CAMK2B: variants seen among roughly 807,000 people sequenced by gnomAD.
The protein encoded by CAMK2B is calcium/calmodulin dependent protein kinase II beta.
Under a neutral mutation model 93.7 loss-of-function variants are expected in CAMK2B, and 27 were observed. That is an observed-to-expected ratio of 0.29 (90% CI 0.21 to 0.40). The LOEUF (loss-of-function observed/expected upper bound fraction) is 0.40. Among genes scored for constraint, CAMK2B ranks in the 10% least tolerant of loss-of-function variants. The probability of loss-of-function intolerance (pLI) is 1.00; values close to 1 mark genes in which losing one functional copy is unlikely to be tolerated. For missense variants in CAMK2B, 568 were observed against 895.8 expected (o/e 0.63, Z 4.67); for synonymous variants, 374 against 358.8 (o/e 1.04, Z -0.48).
intron 1 of CAMK2B, among the ~76,000 whole-genome samples, chr7:44,300,982 G>A (rs1789833101): frequency 6.6e-6 from 1 of 151,978 alleles, no homozygotes; most frequent in Admixed American, 6.6e-5. Flanking sequence ...AAAGATAGCT[G>A]GAAAAGCCCA....
upstream of CAMK2B, chr7:44,326,001 A>G (rs1797433295): frequency 6.6e-6 from 1 of 151,616 alleles, no homozygotes; most frequent in South Asian, 2.1e-4. Context: ...GAGTGCACAT[A>G]ATGAACGCAG....
chr7:44,283,104 C>A (rs1252386997), intron 2 of CAMK2B, among the ~76,000 whole-genome samples: 2 of 152,252 alleles, frequency 1.3e-5, no homozygotes, highest in African/African-American at 2.4e-5. Flanking sequence ...ACCTCCACAG[C>A]CCCACCTGGC....
rs574032444 is a variant in CAMK2B, at chr7:44,321,696, G to A, written c.65+3661C>T. Reference sequence around the variant, plus strand: ...CCCCTGAAATGAAATCCAAAACCTCGTGGGAGATGCTTTCTTCTAGGGAGA... The same window carrying A: ...CCCCTGAAATGAAATCCAAAACCTCATGGGAGATGCTTTCTTCTAGGGAGA... On this transcript the variant is annotated intron_variant, in intron 1 of 23. Transcript: ENST00000395749. Among the ~76,000 whole-genome samples the A allele has an allele frequency of 9.8e-5, 15 of 152,298 alleles. No individual in the cohort carries two copies. The South Asian group carries it at 2.3e-3, about 23-fold the overall frequency.
intron 1 of CAMK2B, among the ~76,000 whole-genome samples, chr7:44,298,551 C>G (rs932676855): frequency 6.6e-6 from 1 of 152,110 alleles, no homozygotes; most frequent in Non-Finnish European, 1.5e-5. Context: ...TACCAAAATA[C>G]AAAATTTTTG....
chr7:44,259,036 C>T, intron 3 of CAMK2B, 110 bp from the exon 4 acceptor site: 1 of 1,014,182 alleles, frequency 9.9e-7, no homozygotes, highest in Non-Finnish European at 1.5e-6. Context: ...CTAGGGCTGC[C>T]CAGAGGATCG....
Position 44,220,897 on chromosome 7 carries a change from C to T in CAMK2B, c.1602G>A (p.Arg534=). The change falls in exon 21 of 24, where the codon CGG becomes CGA. Residue 534 remains arginine (R), a synonymous_variant. Transcript: ENST00000395749. ...CCGTGGTCTTAATGATCTCCTGCTT[C>T]CGGGCTGTGGGGAGACATGGCCAGG... ...TIPGPLPTPS[R]KQEIIKTTEQ... is the part of the protein sequence containing the mutation. 3 of 1,564,946 alleles carry T rather than the reference C, an allele frequency of 1.9e-6. No homozygotes were observed. The highest frequency in any genetic ancestry group is 2.6e-6 in the Non-Finnish European group (3 of 1,153,746).
rs768150134 is a variant in CAMK2B, at chr7:44,225,745, T to A, written c.1597+771A>T. ...GGGACGGTGGCAAGCAGACCCCACC[T>A]GTCCCTCAAGTACTTACCTAGCCAC... On this transcript the variant is annotated intron_variant, in intron 20 of 23. Transcript: ENST00000395749. The surrounding 1 kb of genome is among the most constrained non-coding windows in gnomAD (Gnocchi z 5.0). 1 of 1,289,362 alleles carries A rather than the reference T, an allele frequency of 7.8e-7. No individual in the cohort carries two copies. Among genetic ancestry groups the A allele is most frequent in the South Asian group, 1.2e-5 (1 of 81,024 alleles). The allele number at this position is 1,289,362 out of a possible 1,614,324, so 79.9% of individuals were successfully genotyped here.
intron 2 of CAMK2B, among the ~76,000 whole-genome samples, chr7:44,270,259 T>TG (rs1305897777): frequency 6.6e-6 from 1 of 152,154 alleles, no homozygotes; most frequent in African/African-American, 2.4e-5. Flanking sequence ...GGGAGGGCAC[T>TG]GGGATGGTGC....
chr7:44,286,950 A>AAGGGACCAGGGGTGC lies in CAMK2B; in HGVS notation c.66-2740_66-2726dup, dbSNP rs958592864. On this transcript the variant is annotated intron_variant, in intron 1 of 23. Coordinates refer to ENST00000395749, the MANE Select transcript of CAMK2B (RefSeq NM_001220.5). The surrounding 1 kb of genome is among the most constrained non-coding windows in gnomAD (Gnocchi z 4.0). ...AGGCACCCAGCAGACACTCAGCAGG[A>AAGGGACCAGGGGTGC]AGGGACCAGGGGTGCAGGGACCAGG... 2.0e-5 allele frequency among the ~76,000 whole-genome samples: 3 copies of AAGGGACCAGGGGTGC among 152,098 alleles called. No homozygotes were observed. The highest frequency in any genetic ancestry group is 4.4e-5 in the Non-Finnish European group (3 of 67,992).
intron 13 of CAMK2B, among the ~76,000 whole-genome samples, chr7:44,235,414 C>G (rs1176813325): frequency 6.6e-6 from 1 of 152,274 alleles, no homozygotes; most frequent in Non-Finnish European, 1.5e-5. Flanking sequence ...AGCATTCCCC[C>G]TCAGAGGTCA....
intron 5 of CAMK2B, among the ~76,000 whole-genome samples, chr7:44,251,634 C>T (rs2096781734): frequency 6.6e-6 from 1 of 152,182 alleles, no homozygotes; most frequent in Non-Finnish European, 1.5e-5. Flanking sequence ...TGTGCCCCCT[C>T]GCTCCCCACA....
At chr7:44,269,083 T>C (rs769260934) in intron 2 of CAMK2B, among the ~76,000 whole-genome samples, 3 of 152,002 alleles carry the variant, frequency 2.0e-5, no homozygotes, top group Non-Finnish European at 2.9e-5. Context: ...CTGAGGGCGA[T>C]GGAAGAGATG....
Position 44,220,143 on chromosome 7 carries a change from G to A in CAMK2B, c.1920C>T (p.Thr640=). Residue 640 remains threonine (T), a synonymous_variant, in exon 23 of 24, where the codon ACC becomes ACT. Transcript: ENST00000395749. ...GRPRTSQSEE[T]RVWHRRDGKW... Reference sequence around the variant, plus strand: ...TGCCGTCGCGGCGGTGCCACACGCGGGTCTCCTCAGACTGGCTGGTGCGGG... The same window carrying A: ...TGCCGTCGCGGCGGTGCCACACGCGAGTCTCCTCAGACTGGCTGGTGCGGG... 1 of 1,612,574 alleles carries A rather than the reference G, an allele frequency of 6.2e-7. No homozygotes were observed. Among genetic ancestry groups the A allele is most frequent in the Non-Finnish European group, 8.5e-7 (1 of 1,179,912 alleles).
intron 20 of CAMK2B, 52 bp from the exon 21 acceptor site, chr7:44,220,953 G>C (rs1442938941): frequency 1.3e-6 from 2 of 1,487,726 alleles, no homozygotes; most frequent in South Asian, 1.2e-5. Flanking sequence ...ATTCCCCCCG[G>C]ACCCCTCCAC....
At position 44,220,695 on chromosome 7, in the gene CAMK2B, T is replaced by C. The variant is rs752298235; in HGVS notation, c.1689A>G (p.Pro563=). 2 of 1,612,394 alleles carry C rather than the reference T, an allele frequency of 1.2e-6. No homozygotes were observed. Among genetic ancestry groups the C allele is most frequent in the African/African-American group, 2.7e-5 (2 of 74,888 alleles). Residue 563 remains proline, a synonymous_variant, in exon 22 of 24, where the codon CCA becomes CCG. Transcript: ENST00000395749. ...DFEAYAKICD[P]GLTSFEPEAL... ...CTTCAGGCTCAAACGAGGTCAGCCC[T>C]GGGTCACAGATTTTCCTGGGGGCCA...
At chr7:44,251,555 T>C (rs928834325) in intron 5 of CAMK2B, among the ~76,000 whole-genome samples, 3 of 152,178 alleles carry the variant, frequency 2.0e-5, no homozygotes, top group African/African-American at 7.2e-5. Flanking sequence ...TCCCTCTCCA[T>C]GTCCCCTCTC....
intron 1 of CAMK2B, among the ~76,000 whole-genome samples, chr7:44,322,481 AT>A (rs1416238060): frequency 6.6e-6 from 1 of 152,218 alleles, no homozygotes; most frequent in African/African-American, 2.4e-5. Flanking sequence ...TCATTTTATT[AT>A]TTCTGGGATT....
chr7:44,278,292 T>C (rs1187343801), intron 2 of CAMK2B, among the ~76,000 whole-genome samples: 1 of 152,106 alleles, frequency 6.6e-6, no homozygotes, highest in Non-Finnish European at 1.5e-5. Flanking sequence ...GAGGCAGCGA[T>C]GTGGAGAGGG....
chr7:44,286,247 C>T lies in CAMK2B; in HGVS notation c.66-2022G>A, dbSNP rs561260904. Among the ~76,000 whole-genome samples, 24 of 152,226 alleles carry T rather than the reference C, an allele frequency of 1.6e-4. No individual in the cohort carries two copies. Among genetic ancestry groups the T allele is most frequent in the South Asian group, 4.2e-4 (2 of 4,812 alleles). On this transcript the variant is annotated intron_variant, in intron 1 of 23. Coordinates refer to ENST00000395749, the MANE Select transcript of CAMK2B (RefSeq NM_001220.5). This position sits in a 1 kb window ranked among gnomAD's most constrained non-coding sequence, Gnocchi z 4.0. ...ACCAGTCCTGAGCTACCATCTGTCA[C>T]GCTCTGACCCCTAGAGGGCTCAGCG...
Sources: allele counts gnomAD v4.1 joint callset (sites outside exome capture counted in the v4.1 genomes callset), GRCh38; gene constraint gnomAD v4.1.1; non-coding constraint Gnocchi (gnomAD v3.1); transcripts MANE v1.5; gene names NCBI Gene and HGNC (gene_info 2026-07-23, HGNC 2026-07-21).